C12orf75: variants seen among roughly 807,000 people sequenced by gnomAD.
C12orf75 encodes overexpressed in colon carcinoma 1 protein.
C12orf75 carries 4 observed loss-of-function variants against 11.4 expected under a neutral mutation model. The observed-to-expected ratio is 0.35, with a 90% CI of 0.17 to 0.80. The LOEUF is 0.80. Among genes scored for constraint, C12orf75 ranks in the 30% least tolerant of loss-of-function variants. C12orf75 has a pLI of 0.52. For synonymous variants in C12orf75, 30 were observed against 30.0 expected (o/e 1.00, Z 0.00); for missense variants, 89 against 80.4 (o/e 1.11, Z -0.41).
intron 1 of C12orf75, among the ~76,000 whole-genome samples, chr12:105,337,229 T>G (rs1013080098): frequency 1.3e-5 from 2 of 151,640 alleles, no homozygotes; most frequent in African/African-American, 4.8e-5. Context: ...GAGGCTGAAG[T>G]GGGAGAATTG....
rs1871604685 is a variant in C12orf75, at chr12:105,370,791, A to C, written c.*191A>C. ...GGGTACATATTGTTGTGGTAATAGA[A>C]GGGAATTGGTTAAACAGTACACTTG... On this transcript the variant is annotated 3_prime_UTR_variant, in exon 6 of 6. Coordinates refer to ENST00000443585, the MANE Select transcript of C12orf75 (RefSeq NM_001145199.2). 2.2e-6 allele frequency: 1 copy of C among 452,740 alleles called. No homozygotes were observed. Among genetic ancestry groups the C allele is most frequent in the Non-Finnish European group, 4.5e-6 (1 of 223,664 alleles). 28.0% of individuals were successfully genotyped at this position (452,740 alleles called of 1,614,324 possible).
intron 2 of C12orf75, among the ~76,000 whole-genome samples, chr12:105,361,506 G>A (rs577542360): frequency 6.6e-6 from 1 of 152,038 alleles, no homozygotes; most frequent in Admixed American, 6.6e-5. Context: ...CCAAAAAAAC[G>A]ACCTTTAGGG....
chr12:105,355,936 G>T (rs989938759), intron 2 of C12orf75, among the ~76,000 whole-genome samples: 2 of 152,222 alleles, frequency 1.3e-5, no homozygotes, highest in Non-Finnish European at 2.9e-5. Flanking sequence ...ATAAAGAGAA[G>T]TTGAAAGCAT....
chr12:105,353,383 C>T (rs1313930169), intron 2 of C12orf75: 1 of 152,128 alleles, frequency 6.6e-6, no homozygotes, highest in African/African-American at 2.4e-5. Flanking sequence ...CTCTCTTGGC[C>T]CGTTGGGGTC....
chr12:105,337,342 A>G (rs1013595341), intron 1 of C12orf75, among the ~76,000 whole-genome samples: 2 of 152,084 alleles, frequency 1.3e-5, no homozygotes, highest in South Asian at 4.2e-4. Context: ...ACCAATGAGA[A>G]CAGCAGTTTT....
intron 1 of C12orf75, among the ~76,000 whole-genome samples, chr12:105,341,285 A>G (rs1892569774): frequency 6.6e-6 from 1 of 152,174 alleles, no homozygotes; most frequent in African/African-American, 2.4e-5. Flanking sequence ...TATGAAACAT[A>G]AAGAATGTCT....
intron 1 of C12orf75, among the ~76,000 whole-genome samples, chr12:105,344,932 T>C (rs1320112430): frequency 6.6e-6 from 1 of 151,496 alleles, no homozygotes; most frequent in African/African-American, 2.4e-5. Flanking sequence ...AAAGATATTA[T>C]TTTCTTTTTA....
chr12:105,366,101 C>A, intron 3 of C12orf75: 1 of 456,000 alleles, frequency 2.2e-6, no homozygotes, highest in Admixed American at 3.8e-5. Flanking sequence ...GTGTGCTCTT[C>A]TCCCTAACTG....
At chr12:105,331,297 T>C (rs1453611908) in intron 1 of C12orf75, among the ~76,000 whole-genome samples, 1 of 151,500 alleles carries the variant, frequency 6.6e-6, no homozygotes. Flanking sequence ...CCACACTTGC[T>C]CCTCCAGGCC....
intron 1 of C12orf75, among the ~76,000 whole-genome samples, chr12:105,340,428 GC>G (rs1331703056): frequency 0.01 from 397 of 39,040 alleles, 2 homozygotes; most frequent in Non-Finnish European, 0.011. Flanking sequence ...CCGTGCCCCC[GC>G]CAAAAAAAAA....
chr12:105,349,360 G>A (rs1892682388), intron 2 of C12orf75, among the ~76,000 whole-genome samples: 1 of 152,218 alleles, frequency 6.6e-6, no homozygotes, highest in Non-Finnish European at 1.5e-5. Flanking sequence ...GTGGAAAGAT[G>A]TATTGCTCAC....
intron 5 of C12orf75, among the ~76,000 whole-genome samples, chr12:105,370,059 T>C (rs1416450169): frequency 6.6e-6 from 1 of 152,176 alleles, no homozygotes; most frequent in South Asian, 2.1e-4. Flanking sequence ...TTGAAACAAA[T>C]TGAGGAATGA....
At chr12:105,331,391 G>C (rs1242215378) in intron 1 of C12orf75, among the ~76,000 whole-genome samples, 1 of 152,078 alleles carries the variant, frequency 6.6e-6, no homozygotes, top group African/African-American at 2.4e-5. Flanking sequence ...AGTGGTGGTG[G>C]GGCAGGAAGC....
At chr12:105,364,076 T>G (rs542903999) in intron 2 of C12orf75, among the ~76,000 whole-genome samples, 1 of 152,342 alleles carries the variant, frequency 6.6e-6, no homozygotes, top group African/African-American at 2.4e-5. Flanking sequence ...AGAATAGTCA[T>G]GGCCGGAAAT....
At chr12:105,357,690 C>T (rs933245911) in intron 2 of C12orf75, among the ~76,000 whole-genome samples, 3 of 152,038 alleles carry the variant, frequency 2.0e-5, no homozygotes, top group African/African-American at 7.3e-5. Flanking sequence ...CATTCTTTCT[C>T]CTTGATCACC....
intron 1 of C12orf75, among the ~76,000 whole-genome samples, chr12:105,344,628 T>G (rs1892613215): frequency 6.6e-6 from 1 of 151,878 alleles, no homozygotes; most frequent in Admixed American, 6.6e-5. Flanking sequence ...TGCCTGTAAT[T>G]CCAGCTACTC....
At chr12:105,358,139 C>T (rs1005817011) in intron 2 of C12orf75, among the ~76,000 whole-genome samples, 16 of 152,102 alleles carry the variant, frequency 1.1e-4, no homozygotes, top group Admixed American at 2.6e-4. Context: ...TGAGTCACTG[C>T]GCTGGGCTCA....
chr12:105,343,135 G>A (rs1473274244), intron 1 of C12orf75, among the ~76,000 whole-genome samples: 1 of 152,132 alleles, frequency 6.6e-6, no homozygotes, highest in Non-Finnish European at 1.5e-5. Flanking sequence ...TTAAAATTAT[G>A]ATTATCATTT....
At chr12:105,341,768 C>T (rs1892577254) in intron 1 of C12orf75, among the ~76,000 whole-genome samples, 1 of 152,180 alleles carries the variant, frequency 6.6e-6, no homozygotes, top group Non-Finnish European at 1.5e-5. Flanking sequence ...GCTGTGTCTC[C>T]ACCCAAATCT....
Sources: gnomAD v4.1 joint callset for allele counts (sites outside exome capture counted in the v4.1 genomes callset) on GRCh38, gnomAD v4.1.1 for gene constraint, MANE v1.5 for transcripts, NCBI Gene and HGNC (gene_info 2026-07-23, HGNC 2026-07-21) for gene names.